HVCN1: variants seen among roughly 807,000 people sequenced by gnomAD.
The protein encoded by HVCN1 is voltage-gated hydrogen channel 1.
A neutral mutation model predicts 29.2 loss-of-function variants in HVCN1; 14 were observed. That is an observed-to-expected ratio of 0.48 (90% CI 0.32 to 0.75). HVCN1 has a LOEUF of 0.75. Among genes scored for constraint, HVCN1 ranks in the 30% least tolerant of loss-of-function variants. The pLI, the probability that HVCN1 is intolerant of heterozygous loss-of-function variation, is 0.04. For missense variants in HVCN1, 263 were observed against 341.8 expected (o/e 0.77, Z 1.82); for synonymous variants, 131 against 133.2 (o/e 0.98, Z 0.11).
At chr12:110,665,869 C>T (rs566905099) in intron 3 of HVCN1, among the ~76,000 whole-genome samples, 5 of 151,624 alleles carry the variant, frequency 3.3e-5, no homozygotes, top group South Asian at 2.1e-4. Context: ...AACTGTGCAT[C>T]GTGGCACATG....
upstream of HVCN1, among the ~76,000 whole-genome samples, chr12:110,693,946 C>T (rs917861352): frequency 3.3e-5 from 5 of 152,208 alleles, no homozygotes; most frequent in African/African-American, 7.2e-5. Flanking sequence ...AATACCAAAG[C>T]AGTTCTCTTA....
intron 2 of HVCN1, among the ~76,000 whole-genome samples, chr12:110,696,285 T>C (rs2069490275): frequency 6.6e-6 from 1 of 152,166 alleles, no homozygotes; most frequent in African/African-American, 2.4e-5. Flanking sequence ...AAAAATGTAG[T>C]AAAATACACA....
chr12:110,700,976 A>G (rs1355197943), intron 2 of HVCN1, among the ~76,000 whole-genome samples: 2 of 152,134 alleles, frequency 1.3e-5, no homozygotes, highest in Admixed American at 6.5e-5. Flanking sequence ...TGGGACTACT[A>G]TTTGCAAGGA....
At chr12:110,693,562 GA>G (rs921760811), upstream of HVCN1, among the ~76,000 whole-genome samples, 6 of 148,748 alleles carry the variant, frequency 4.0e-5, no homozygotes, top group South Asian at 2.1e-4. Context: ...AAAAAAAACG[GA>G]AAAAAAAACC....
At chr12:110,672,434 C>T (rs1316286297) in intron 3 of HVCN1, among the ~76,000 whole-genome samples, 1 of 152,186 alleles carries the variant, frequency 6.6e-6, no homozygotes, top group African/African-American at 2.4e-5. Context: ...CACCACAGAG[C>T]ACCACACCAC....
chr12:110,679,461 G>A (rs1381936538), intron 3 of HVCN1, among the ~76,000 whole-genome samples: 1 of 152,200 alleles, frequency 6.6e-6, no homozygotes, highest in African/African-American at 2.4e-5. Context: ...CTTAAATGCA[G>A]GCTCGAGCCA....
intron 3 of HVCN1, among the ~76,000 whole-genome samples, chr12:110,681,945 G>A (rs1262217618): frequency 1.3e-5 from 2 of 152,082 alleles, no homozygotes; most frequent in African/African-American, 2.4e-5. Flanking sequence ...TAAGGTACAG[G>A]AGGAAAGCAT....
chr12:110,649,765 G>C (rs1414494861), intron 7 of HVCN1, among the ~76,000 whole-genome samples: 1 of 152,270 alleles, frequency 6.6e-6, no homozygotes, highest in Non-Finnish European at 1.5e-5. Context: ...GGACAAGGCA[G>C]GCTCAGCCCA....
chr12:110,654,428 T>C (rs900676805), intron 5 of HVCN1, among the ~76,000 whole-genome samples: 9 of 151,764 alleles, frequency 5.9e-5, no homozygotes, highest in African/African-American at 2.2e-4. Context: ...AATTCCATTT[T>C]GTTTTTCCAA....
At chr12:110,659,377 G>C (rs2068090525) in intron 4 of HVCN1, among the ~76,000 whole-genome samples, 1 of 152,182 alleles carries the variant, frequency 6.6e-6, no homozygotes, top group African/African-American at 2.4e-5. Flanking sequence ...GATGGAAGAG[G>C]CAAGGGCTAC....
At chr12:110,672,843 G>A (rs1002861513) in intron 3 of HVCN1, among the ~76,000 whole-genome samples, 2 of 152,154 alleles carry the variant, frequency 1.3e-5, no homozygotes, top group South Asian at 2.1e-4. Context: ...CATAAGAAGT[G>A]CCTTTCGCCT....
intron 3 of HVCN1, among the ~76,000 whole-genome samples, chr12:110,662,872 T>C (rs73194013): frequency 0.13 from 19,529 of 151,718 alleles, 1,720 homozygotes; most frequent in African/African-American, 0.25. Flanking sequence ...AGACAAAGAG[T>C]AACCAGAATA....
In HVCN1 at chr12:110,649,452, G is replaced by C. The variant is rs1398106619; in HGVS notation, c.780C>G (p.Asn260Lys). 1 of 1,607,248 alleles carries C rather than the reference G, an allele frequency of 6.2e-7. No homozygotes were observed. Among genetic ancestry groups the C allele is most frequent in the East Asian group, 2.2e-5 (1 of 44,832 alleles). ...SEKEQEIERL[N>K]KLLRQHGLLG... ...GAAGTCCATGCTGTCGCAATAGTTT[G>C]TTAAGTCTTTCAATTTCTTGTTCCT... Residue 260 changes from asparagine (N) to lysine (K), a missense_variant, in exon 8 of 8, where the codon AAC (asparagine) becomes AAG (lysine). Asn to Lys is a moderately conservative substitution (Grantham distance 94, BLOSUM62 0). Coordinates refer to ENST00000242607, the MANE Select transcript of HVCN1 (RefSeq NM_032369.4).
At chr12:110,663,213 A>C (rs2068234540) in intron 3 of HVCN1, among the ~76,000 whole-genome samples, 1 of 152,112 alleles carries the variant, frequency 6.6e-6, no homozygotes, top group Non-Finnish European at 1.5e-5. Flanking sequence ...TATCTTTCTG[A>C]ATGATTTAGT....
intron 5 of HVCN1, among the ~76,000 whole-genome samples, chr12:110,653,565 G>A (rs571075673): frequency 4.8e-4 from 73 of 152,262 alleles, no homozygotes; most frequent in Non-Finnish European, 6.5e-4. Context: ...TCTTGGGCTG[G>A]ACACGGTGGC....
At chr12:110,672,865 T>C (rs2068630811) in intron 3 of HVCN1, among the ~76,000 whole-genome samples, 1 of 152,214 alleles carries the variant, frequency 6.6e-6, no homozygotes, top group African/African-American at 2.4e-5. Flanking sequence ...CTGCCATAAT[T>C]CTGAGGCCTC....
intron 3 of HVCN1, among the ~76,000 whole-genome samples, chr12:110,673,538 G>A (rs2068650682): frequency 6.6e-6 from 1 of 152,158 alleles, no homozygotes; most frequent in African/African-American, 2.4e-5. Context: ...TTGGGAAAAT[G>A]TCTCCAGGCC....
intron 3 of HVCN1, among the ~76,000 whole-genome samples, chr12:110,670,273 T>A (rs1262150604): frequency 6.6e-6 from 1 of 152,168 alleles, no homozygotes; most frequent in Non-Finnish European, 1.5e-5. Flanking sequence ...TAGTTCATTG[T>A]TATCTGACAA....
intron 5 of HVCN1, among the ~76,000 whole-genome samples, chr12:110,652,257 G>A (rs1476223951): frequency 6.6e-6 from 1 of 152,214 alleles, no homozygotes; most frequent in East Asian, 1.9e-4. Flanking sequence ...GTTAGGCATG[G>A]TGGTGCATGC....
Sources: allele counts gnomAD v4.1 joint callset (sites outside exome capture counted in the v4.1 genomes callset), GRCh38; gene constraint gnomAD v4.1.1; transcripts MANE v1.5; gene names NCBI Gene and HGNC (gene_info 2026-07-23, HGNC 2026-07-21).